ADAMTS12: variants seen among roughly 807,000 people sequenced by gnomAD.
ADAMTS12 encodes ADAM metallopeptidase with thrombospondin type 1 motif 12.
ADAMTS12 carries 118 observed loss-of-function variants against 167.8 expected under a neutral mutation model. The observed-to-expected ratio is 0.70, with a 90% CI of 0.61 to 0.82. The LOEUF is 0.82. Ranked by LOEUF, ADAMTS12 falls within the 40% of genes least tolerant of loss-of-function variation. The probability of loss-of-function intolerance (pLI) is 0.00; values close to 1 mark genes in which losing one functional copy is unlikely to be tolerated. For synonymous variants in ADAMTS12, 704 were observed against 716.9 expected (o/e 0.98, Z 0.29); for missense variants, 1,916 against 1,998.8 (o/e 0.96, Z 0.79).
chr5:33,853,913 G>T (rs1056409265), intron 2 of ADAMTS12, among the ~76,000 whole-genome samples: 2 of 152,168 alleles, frequency 1.3e-5, no homozygotes, highest in African/African-American at 2.4e-5. Context: ...TCCCTGGGCT[G>T]CAAGGATCCA....
rs542178025 is a variant in ADAMTS12 at position 33,759,946 on chromosome 5, G to A, written c.490-8398C>T. Among the ~76,000 whole-genome samples, 43 of 152,286 alleles carry A rather than the reference G, an allele frequency of 2.8e-4. 1 individual carries two copies. The highest frequency in any genetic ancestry group is 9.6e-4 in the African/African-American group (40 of 41,560). On this transcript the variant is annotated intron_variant, in intron 2 of 23. Transcript: ENST00000504830. ...GAATAAGGCGTCAGGTGACCCACTA[G>A]TCCAGAGGTTCTCCAATTTTAATGT...
intron 3 of ADAMTS12, among the ~76,000 whole-genome samples, chr5:33,733,425 C>G (rs1744265095): frequency 6.6e-6 from 1 of 152,178 alleles, no homozygotes. Flanking sequence ...CCTCAGTTTT[C>G]TCATCTGTGA....
chr5:33,790,190 T>C (rs1051135255), intron 2 of ADAMTS12, among the ~76,000 whole-genome samples: 1 of 152,248 alleles, frequency 6.6e-6, no homozygotes, highest in African/African-American at 2.4e-5. Context: ...TGTTTTCTTT[T>C]AGAGCAGTTC....
In ADAMTS12 at chr5:33,632,399, A is replaced by ACAAACAAACAAACAAACAAG. The variant is rs1424767754; in HGVS notation, c.1889-1487_1889-1486insCTTGTTTGTTTGTTTGTTTG. 1.4e-4 allele frequency among the ~76,000 whole-genome samples: 21 copies of ACAAACAAACAAACAAACAAG among 152,112 alleles called. No homozygotes were observed. In the South Asian group the frequency reaches 2.1e-3, roughly 15 times the overall value. ...GCACATGTGCTCCCTGAATCCAAAA[A>ACAAACAAACAAACAAACAAG]CAAACAAACAAACAAAAAAGCTTAA... On this transcript the variant is annotated intron_variant, in intron 12 of 23. Coordinates refer to ENST00000504830, the MANE Select transcript of ADAMTS12 (RefSeq NM_030955.4).
chr5:33,683,914 A>G lies in ADAMTS12; in HGVS notation c.776T>C (p.Ile259Thr), dbSNP rs552989153. The change falls in exon 4 of 24, where the codon ATT (isoleucine) becomes ACT (threonine). Residue 259 changes from isoleucine (I) to threonine (T), a missense_variant. By Grantham distance (89) the Ile-to-Thr change is moderately conservative. Transcript: ENST00000504830. The stretch of plus-strand genomic sequence containing the variant: ...CACATTCTCACTCCCATGGTATTCA[A>G]TCATCTTTGTGTCGGCCACCACCAG... ...ETLVVADTKM[I>T]EYHGSENVES... The G allele has an allele frequency of 3.1e-6, 5 of 1,606,514 alleles. No homozygotes were observed. Among genetic ancestry groups the G allele is most frequent in the African/African-American group, 1.3e-5 (1 of 74,512 alleles).
chr5:33,560,959 T>C lies in ADAMTS12; in HGVS notation c.4125+68A>G, dbSNP rs568027441. 7 of 1,552,678 alleles carry C rather than the reference T, an allele frequency of 4.5e-6. No homozygotes were observed. In the East Asian group the frequency reaches 9.0e-5, roughly 20 times the overall value. ...AAAACGACTTTAGCAAGTGTTTATA[T>C]AAGATTCCCTTTCCAACCCATCCCC... On this transcript the variant is annotated intron_variant, in intron 20 of 23. Coordinates refer to ENST00000504830, the MANE Select transcript of ADAMTS12 (RefSeq NM_030955.4).
intron 3 of ADAMTS12, among the ~76,000 whole-genome samples, chr5:33,723,732 ACTCCCCT>A (rs1743882276): frequency 6.6e-6 from 1 of 151,712 alleles, no homozygotes; most frequent in African/African-American, 2.4e-5. Context: ...TGTTTCATGT[ACTCCCCT>A]CCATTTCTCA....
At chr5:33,739,620 C>T (rs149289979) in intron 3 of ADAMTS12, among the ~76,000 whole-genome samples, 57 of 152,308 alleles carry the variant, frequency 3.7e-4, no homozygotes, top group African/African-American at 1.1e-3. Context: ...TGTCCAGACT[C>T]GGTTTCTAGG....
intron 9 of ADAMTS12, among the ~76,000 whole-genome samples, chr5:33,648,548 T>C (rs1403705182): frequency 6.6e-6 from 1 of 152,162 alleles, no homozygotes; most frequent in Non-Finnish European, 1.5e-5. Flanking sequence ...AGTCTGCAGG[T>C]GTGAATCACT....
At chr5:33,754,813 G>A (rs1745115281) in intron 2 of ADAMTS12, among the ~76,000 whole-genome samples, 2 of 152,156 alleles carry the variant, frequency 1.3e-5, no homozygotes, top group Middle Eastern at 3.4e-3. Context: ...CCGAGATTGC[G>A]CCATTGCACT....
At chr5:33,868,315 G>T (rs1749907190) in intron 2 of ADAMTS12, among the ~76,000 whole-genome samples, 1 of 152,208 alleles carries the variant, frequency 6.6e-6, no homozygotes, top group African/African-American at 2.4e-5. Flanking sequence ...CTCAGAAGGA[G>T]AAAGGAAGAT....
chr5:33,734,601 G>T (rs190617408), intron 3 of ADAMTS12, among the ~76,000 whole-genome samples: 196 of 152,296 alleles, frequency 1.3e-3, no homozygotes, highest in African/African-American at 4.5e-3. Context: ...CCAGTCCCCT[G>T]AGAATGAATT....
At chr5:33,639,658 C>T (rs866169549) in intron 11 of ADAMTS12, among the ~76,000 whole-genome samples, 3 of 152,220 alleles carry the variant, frequency 2.0e-5, no homozygotes, top group Admixed American at 2.0e-4. Context: ...GAATCGTCGT[C>T]TTCCTTGATC....
intron 2 of ADAMTS12, among the ~76,000 whole-genome samples, chr5:33,866,053 A>AATGCAATT (rs1749806708): frequency 3.3e-5 from 5 of 152,216 alleles, no homozygotes; most frequent in Admixed American, 3.3e-4. Flanking sequence ...CTATAGATTC[A>AATGCAATT]ATGCAATTTC....
chr5:33,640,340 T>C (rs757088325), intron 11 of ADAMTS12, among the ~76,000 whole-genome samples: 1 of 152,212 alleles, frequency 6.6e-6, no homozygotes. Context: ...AGGTTAGAGA[T>C]TCATCCTTCA....
chr5:33,535,441 G>GAAT (rs1392170051), intron 22 of ADAMTS12, among the ~76,000 whole-genome samples: 1 of 152,152 alleles, frequency 6.6e-6, no homozygotes, highest in African/African-American at 2.4e-5. Flanking sequence ...TCCATCTAAG[G>GAAT]CTGAAATTTG....
At chr5:33,644,857 A>G (rs1740600161) in intron 9 of ADAMTS12, among the ~76,000 whole-genome samples, 1 of 151,712 alleles carries the variant, frequency 6.6e-6, no homozygotes, top group African/African-American at 2.4e-5. Context: ...CAACCTACTG[A>G]GTAGCTGGGA....
chr5:33,710,376 A>G (rs1439784352), intron 3 of ADAMTS12, among the ~76,000 whole-genome samples: 1 of 152,160 alleles, frequency 6.6e-6, no homozygotes, highest in Non-Finnish European at 1.5e-5. Flanking sequence ...CCACTGGAGC[A>G]TGGTGTCAAG....
chr5:33,595,435 A>G (rs1747874220), intron 17 of ADAMTS12, among the ~76,000 whole-genome samples: 1 of 152,140 alleles, frequency 6.6e-6, no homozygotes, highest in South Asian at 2.1e-4. Flanking sequence ...AGCCTCCTGC[A>G]ATTCACGGAC....
Sources: gnomAD v4.1 joint callset for allele counts (sites outside exome capture counted in the v4.1 genomes callset) on GRCh38, gnomAD v4.1.1 for gene constraint, MANE v1.5 for transcripts, NCBI Gene and HGNC (gene_info 2026-07-23, HGNC 2026-07-21) for gene names.